Variants in TBC1D2B observed in about 807,000 individuals in gnomAD.
TBC1D2B encodes TBC1 domain family member 2B.
Under a neutral mutation model 100.8 loss-of-function variants are expected in TBC1D2B, and 64 were observed. The observed-to-expected ratio is 0.64, with a 90% confidence interval of 0.52 to 0.78. The LOEUF (loss-of-function observed/expected upper bound fraction) is 0.78, where lower values mean the gene tolerates loss of function less well. TBC1D2B is among the 30% of genes least tolerant of loss of function. The pLI, the probability that TBC1D2B is intolerant of heterozygous loss-of-function variation, is 0.00. For synonymous variants in TBC1D2B, 480 were observed against 479.7 expected (o/e 1.00, Z -0.01); for missense variants, 1,052 against 1,218.4 (o/e 0.86, Z 2.03).
rs1206031190 is a variant in TBC1D2B at position 78,077,329 on chromosome 15, G to C, written c.324C>G (p.Phe108Leu). Residue 108 changes from phenylalanine to leucine, a missense_variant, in exon 1 of 13, where the codon TTC becomes TTG. Physicochemically the swap from Phe to Leu is conservative, Grantham distance 22. Coordinates refer to ENST00000300584, the MANE Select transcript of TBC1D2B (RefSeq NM_144572.2). ...AEPGTEPPAH[F>L]QVHSAGAVTV... ...TGACGGCTCCCGCGCTGTGCACCTG[G>C]AAGTGCGCGGGCGGCTCCGTGCCCG... 1 of 1,536,344 alleles carries C rather than the reference G, an allele frequency of 6.5e-7. No individual in the cohort carries two copies. Among genetic ancestry groups the C allele is most frequent in the African/African-American group, 1.4e-5 (1 of 71,126 alleles).
chr15:78,052,674 G>A (rs766648399), intron 2 of TBC1D2B, among the ~76,000 whole-genome samples: 1 of 152,116 alleles, frequency 6.6e-6, no homozygotes, highest in Non-Finnish European at 1.5e-5. Context: ...AGAAGCACTT[G>A]GTGCCCTCAG....
At chr15:78,055,923 G>C (rs577512593) in intron 1 of TBC1D2B, among the ~76,000 whole-genome samples, 6 of 152,318 alleles carry the variant, frequency 3.9e-5, no homozygotes, top group African/African-American at 1.4e-4. Context: ...GGCGTGACTG[G>C]AGAGCACTGG....
chr15:78,000,926 C>T (rs1464559227), intron 12 of TBC1D2B, among the ~76,000 whole-genome samples: 1 of 152,240 alleles, frequency 6.6e-6, no homozygotes, highest in Non-Finnish European at 1.5e-5. Context: ...AGCCCTCTAA[C>T]AGCCACCAGT....
At chr15:78,050,596 T>C (rs983080464) in intron 2 of TBC1D2B, among the ~76,000 whole-genome samples, 4 of 152,268 alleles carry the variant, frequency 2.6e-5, no homozygotes, top group Admixed American at 6.5e-5. Context: ...AGACACCTGA[T>C]TGTATCTTTA....
chr15:77,999,004 C>A (rs954191748), intron 12 of TBC1D2B: 2 of 216,734 alleles, frequency 9.2e-6, no homozygotes, highest in African/African-American at 4.6e-5. Flanking sequence ...AACCACTGGT[C>A]AGTGGCTTAA....
chr15:77,999,577 C>T (rs935163968), intron 12 of TBC1D2B, among the ~76,000 whole-genome samples: 4 of 152,190 alleles, frequency 2.6e-5, no homozygotes, highest in Non-Finnish European at 5.9e-5. Flanking sequence ...GACCAGGCTG[C>T]CAGCCCCAGC....
chr15:78,077,643 C>T lies in TBC1D2B; in HGVS notation c.10G>A (p.Ala4Thr). 1 of 990,310 alleles carries T rather than the reference C, an allele frequency of 1.0e-6. No individual in the cohort carries two copies. Among genetic ancestry groups the T allele is most frequent in the Non-Finnish European group, 1.2e-6 (1 of 833,538 alleles). 61.3% of individuals were successfully genotyped at this position (990,310 alleles called of 1,614,324 possible). A position where few individuals can be genotyped will look rare whatever the true frequency, so the allele number is the denominator to read the frequency against. ...CCGCCCTCCTCCGCCCGGGCTCCGG[C>T]CCCCGGCATCGCTACCGCGCGCCAA... MPG[A>T]GARAEEGGGG... Residue 4 changes from alanine to threonine, a missense_variant, in exon 1 of 13, where the codon GCC becomes ACC. Physicochemically the swap from Ala to Thr is moderately conservative, Grantham distance 58 (BLOSUM62 0). This residue lies in a region of TBC1D2B where 627 missense variants were observed against 646.1 expected (regional missense o/e 0.97). Coordinates refer to ENST00000300584, the MANE Select transcript of TBC1D2B (RefSeq NM_144572.2).
chr15:78,036,067 G>T (rs1319088356), intron 3 of TBC1D2B, among the ~76,000 whole-genome samples: 2 of 152,168 alleles, frequency 1.3e-5, no homozygotes, highest in Non-Finnish European at 2.9e-5. Context: ...CTAAGTCCCT[G>T]AAGTAGCTAT....
Position 78,054,036 on chromosome 15 carries a change from G to A in TBC1D2B, c.512C>T (p.Thr171Ile). The stretch of plus-strand genomic sequence containing the variant: ...GCTCCCCTTTATTTCTGCCTTACCA[G>A]TGTTATCTCTGGCTACAAGACCCTT... ...FPKGLVARDNTDLIYPHPNAS... is the reference protein window; with the variant it reads ...FPKGLVARDNIDLIYPHPNAS... The change falls in exon 2 of 13, where the codon ACT becomes ATT. Residue 171 changes from threonine to isoleucine, a missense_variant and splice_region_variant. By Grantham distance (89) the Thr-to-Ile change is moderately conservative. Coordinates refer to ENST00000300584, the MANE Select transcript of TBC1D2B (RefSeq NM_144572.2). The A allele has an allele frequency of 6.2e-7, 1 of 1,612,362 alleles. No individual in the cohort carries two copies. Among genetic ancestry groups the A allele is most frequent in the Non-Finnish European group, 8.5e-7 (1 of 1,179,296 alleles).
chr15:78,047,531 G>C (rs184253509), intron 2 of TBC1D2B, among the ~76,000 whole-genome samples: 55 of 152,216 alleles, frequency 3.6e-4, no homozygotes, highest in African/African-American at 1.1e-3. Context: ...AAAGAGGATG[G>C]GGGCCCCATG....
chr15:78,039,850 C>T (rs1197843221), intron 3 of TBC1D2B, among the ~76,000 whole-genome samples: 1 of 151,938 alleles, frequency 6.6e-6, no homozygotes, highest in East Asian at 1.9e-4. Context: ...ATCACACACC[C>T]AATAAGTAGC....
In TBC1D2B at chr15:77,998,780, G is replaced by A. The variant is rs956293510; in HGVS notation, c.2697-425C>T. The A allele has an allele frequency of 4.6e-5, 8 of 175,274 alleles. No individual in the cohort carries two copies. The East Asian group carries it at 5.0e-4, about 11-fold the overall frequency. 10.9% of individuals were successfully genotyped at this position (175,274 alleles called of 1,614,324 possible). On this transcript the variant is annotated intron_variant, in intron 12 of 12. Transcript: ENST00000300584. ...TTGGGCGGGCATGAGGCCTGGCACC[G>A]GGCACGAGTCCGGGACGTCTGTGTC...
At chr15:78,022,176 C>T (rs570827799) in intron 6 of TBC1D2B, among the ~76,000 whole-genome samples, 38 of 152,256 alleles carry the variant, frequency 2.5e-4, no homozygotes, top group African/African-American at 7.9e-4. Flanking sequence ...CCAGGCAACA[C>T]GGCGAAACTC....
intron 1 of TBC1D2B, among the ~76,000 whole-genome samples, chr15:78,061,517 G>A (rs1395774576): frequency 6.6e-6 from 1 of 151,354 alleles, no homozygotes; most frequent in African/African-American, 2.4e-5. Context: ...AAGCTGCAGT[G>A]AGCCATAACT....
Position 78,030,075 on chromosome 15 carries a change from G to A in TBC1D2B, c.779C>T (p.Thr260Ile), listed in dbSNP as rs778967483. ...TATGGACTCCTCTAGGTCCTTAGGG[G>A]TTGGGTCTAAAAGTTCCCACTCTTC... is the stretch of plus-strand genomic sequence containing the variant. ...TNEEWELLDPTPKDLEESIVQ... is the reference protein window; with the variant it reads ...TNEEWELLDPIPKDLEESIVQ... The change falls in exon 4 of 13, where the codon ACC becomes ATC. Residue 260 changes from threonine (T) to isoleucine (I), a missense_variant. Thr to Ile is a moderately conservative substitution (Grantham distance 89). Coordinates refer to ENST00000300584, the MANE Select transcript of TBC1D2B (RefSeq NM_144572.2). 11 of 1,613,804 alleles carry A rather than the reference G, an allele frequency of 6.8e-6. No individual in the cohort carries two copies. Among genetic ancestry groups the A allele is most frequent in the Non-Finnish European group, 9.3e-6 (11 of 1,179,756 alleles).
chr15:78,031,555 A>G (rs1567022686), intron 3 of TBC1D2B, among the ~76,000 whole-genome samples: 1 of 27,832 alleles, frequency 3.6e-5, no homozygotes, highest in African/African-American at 9.0e-5. Context: ...CTCTGTCTCC[A>G]AAAAAAAAAA....
chr15:78,056,244 G>A (rs1010646224), intron 1 of TBC1D2B, among the ~76,000 whole-genome samples: 3 of 152,218 alleles, frequency 2.0e-5, no homozygotes, highest in African/African-American at 7.2e-5. Context: ...TCCAGGGAGA[G>A]AGAGAAGTGT....
intron 3 of TBC1D2B, among the ~76,000 whole-genome samples, chr15:78,038,352 A>C (rs952643937): frequency 7.2e-5 from 11 of 152,246 alleles, no homozygotes; most frequent in Non-Finnish European, 1.6e-4. Flanking sequence ...GGAACAGAGA[A>C]GGCTTCTCTG....
chr15:78,028,726 C>G lies in TBC1D2B; in HGVS notation c.847+1281G>C, dbSNP rs757180049. ...AATCTGGGCAGGCCTCCGGCTCTAACTGCCCGTATACAGGAATTACATGGG... is the reference window on the plus strand; with the variant it reads ...AATCTGGGCAGGCCTCCGGCTCTAAGTGCCCGTATACAGGAATTACATGGG... On this transcript the variant is annotated intron_variant, in intron 4 of 12. Transcript: ENST00000300584. Among the ~76,000 whole-genome samples the G allele has an allele frequency of 3.3e-5, 5 of 152,228 alleles. No homozygotes were observed. The South Asian group carries it at 1.0e-3, about 32-fold the overall frequency.
Sources: gnomAD v4.1 joint callset for allele counts (sites outside exome capture counted in the v4.1 genomes callset) on GRCh38, gnomAD v4.1.1 for gene constraint, gnomAD v4.1.1 regional missense constraint, MANE v1.5 for transcripts, NCBI Gene and HGNC (gene_info 2026-07-23, HGNC 2026-07-21) for gene names.